The following SPIN2A variants were observed in gnomAD, a reference collection of about 807,000 sequenced individuals.
SPIN2A encodes the protein spindlin family member 2A.
A neutral mutation model predicts 9.2 loss-of-function variants in SPIN2A; 4 were observed. That is an observed-to-expected ratio of 0.44 (90% CI 0.21 to 1.00). The LOEUF (loss-of-function observed/expected upper bound fraction) is 1.00, where lower values mean the gene tolerates loss of function less well. SPIN2A is among the 50% of genes least tolerant of loss of function. The pLI is 0.26. For missense variants in SPIN2A, 77 were observed against 172.8 expected (o/e 0.45, Z 3.11); for synonymous variants, 25 against 61.2 (o/e 0.41, Z 2.76).
At chrX:57,143,995 T>A in the SPIN2A span, among the ~76,000 whole-genome samples, 1 of 112,191 alleles carries the variant, frequency 8.9e-6, no homozygotes, top group Non-Finnish European at 1.9e-5. Flanking sequence ...ATGAATTTCA[T>A]CAGCTTTTCT....
In SPIN2A at chrX:57,137,365, C is replaced by T. The variant is rs183579812; in HGVS notation, c.-111G>A. On this transcript the variant is annotated 5_prime_UTR_variant, in exon 1 of 2. Transcript: ENST00000374906. ...GAGGGTAGGATCCATAGATGAGGAGCGTGTGTAGGAGCGCGGCGAGACAGG... is the reference window on the plus strand; with the variant it reads ...GAGGGTAGGATCCATAGATGAGGAGTGTGTGTAGGAGCGCGGCGAGACAGG... The T allele has an allele frequency of 2.7e-6, 2 of 754,609 alleles. No individual in the cohort carries two copies. The highest frequency in any genetic ancestry group is 2.3e-5 in the African/African-American group (1 of 43,469). The allele number at this position is 754,609 out of a possible 1,213,427, so 62.2% of individuals were successfully genotyped here. A position where few individuals can be genotyped will look rare whatever the true frequency, so the allele number is the denominator to read the frequency against.
At chrX:57,140,455 C>T (rs1927969439), upstream of SPIN2A, among the ~76,000 whole-genome samples, 3 of 104,359 alleles carry the variant, frequency 2.9e-5, no homozygotes, top group African/African-American at 1.1e-4. Context: ...ATTAACCTGG[C>T]GTGGTGGCAG....
chrX:57,135,613 A>T (rs1927670254), downstream of SPIN2A: 3 of 870,708 alleles, frequency 3.4e-6, no homozygotes, highest in East Asian at 1.0e-4. Flanking sequence ...AACACACCCG[A>T]ACTTTTCAAC....
chrX:57,141,654 T>A (rs1165973262), upstream of SPIN2A, among the ~76,000 whole-genome samples: 1 of 111,976 alleles, frequency 8.9e-6, no homozygotes, highest in African/African-American at 3.2e-5. Flanking sequence ...TATGGTTCAA[T>A]CTTGGTAGGT....
At chrX:57,139,417 G>T (rs999178306), upstream of SPIN2A, among the ~76,000 whole-genome samples, 1 of 111,664 alleles carries the variant, frequency 9.0e-6, no homozygotes, top group African/African-American at 3.3e-5. Context: ...CTATTCATAT[G>T]CCAGTACCAT....
At chrX:57,144,371 C>G in the SPIN2A span, among the ~76,000 whole-genome samples, 1 of 108,761 alleles carries the variant, frequency 9.2e-6, no homozygotes. Context: ...GTTTGAAACA[C>G]TTTTTGTTAT....
upstream of SPIN2A, among the ~76,000 whole-genome samples, chrX:57,140,642 T>C (rs1408711108): frequency 9.4e-6 from 1 of 106,185 alleles, no homozygotes; most frequent in African/African-American, 3.4e-5. Context: ...CATGGAATAC[T>C]ACACAGCCAC....
Position 57,136,934 on chromosome X carries a change from T to C in SPIN2A, c.-6+326A>G, listed in dbSNP as rs1371429656. On this transcript the variant is annotated intron_variant, in intron 1 of 1. Transcript: ENST00000374906. ...ACTCCCAATCCCCTGCAAAGCGGCC[T>C]TGACCAGCACCCACTACCCTCCTGC... The C allele has an allele frequency of 4.8e-6, 4 of 825,812 alleles. No homozygotes were observed. In the African/African-American group the frequency reaches 8.4e-5, roughly 17 times the overall value. 68.1% of individuals were successfully genotyped at this position (825,812 alleles called of 1,213,427 possible). A position where few individuals can be genotyped will look rare whatever the true frequency, so the allele number is the denominator to read the frequency against.
the SPIN2A span, among the ~76,000 whole-genome samples, chrX:57,143,057 C>T: frequency 6.3e-5 from 7 of 111,188 alleles, no homozygotes; most frequent in Admixed American, 1.9e-4. Flanking sequence ...TTTTTTGATT[C>T]ATTCAGCCAC....
rs1428938902 is a variant in SPIN2A, at chrX:57,136,135, C to G, written c.463G>C (p.Ala155Pro). 2.5e-6 allele frequency: 3 copies of G among 1,209,659 alleles called. No homozygotes were observed. The highest frequency in any genetic ancestry group is 3.0e-5 in the East Asian group (1 of 33,769). ...TAAAACCAGGCTTTCATGATAGGTG[C>G]TTGAGCTAAGACCATCCCCCTCCAT... ...DEWRGMVLAQ[A>P]PIMKAWFYIT... Residue 155 changes from alanine to proline, a missense_variant, in exon 2 of 2, where the codon GCA becomes CCA. Ala to Pro is a conservative substitution (Grantham distance 27, BLOSUM62 -1). This residue lies in a region of SPIN2A where 17 missense variants were observed against 19.9 expected (regional missense o/e 0.85). Coordinates refer to ENST00000374906, the MANE Select transcript of SPIN2A (RefSeq NM_019003.5).
Position 57,137,274 on chromosome X carries a change from T to C in SPIN2A, c.-20A>G, listed in dbSNP as rs1243211205. ...AAATCGGATACCTCGATGCTGCCTC[T>C]GCTGTGAGCCTGTGGCGAAGGAGGG... is the stretch of plus-strand genomic sequence containing the variant. On this transcript the variant is annotated 5_prime_UTR_variant, in exon 1 of 2. Transcript: ENST00000374906. 12 of 760,016 alleles carry C rather than the reference T, an allele frequency of 1.6e-5. No individual in the cohort carries two copies. Among genetic ancestry groups the C allele is most frequent in the East Asian group, 1.5e-4 (1 of 6,712 alleles). The allele number at this position is 760,016 out of a possible 1,213,427, so 62.6% of individuals were successfully genotyped here.
the SPIN2A span, among the ~76,000 whole-genome samples, chrX:57,145,047 T>G: frequency 9.0e-6 from 1 of 111,546 alleles, no homozygotes; most frequent in South Asian, 3.7e-4. Flanking sequence ...TGCAGATATC[T>G]TTTTTGTATA....
chrX:57,145,815 G>C, the SPIN2A span, among the ~76,000 whole-genome samples: 1 of 111,423 alleles, frequency 9.0e-6, no homozygotes, highest in African/African-American at 3.3e-5. Context: ...TGAATAGGCT[G>C]TCCTTTTCCC....
Position 57,137,244 on chromosome X carries a change from T to C in SPIN2A, c.-6+16A>G. ...ACCGCCGGGGATCGCGGGCCTCACG[T>C]GCCGAAATCGGATACCTCGATGCTG... On this transcript the variant is annotated intron_variant, in intron 1 of 1. Transcript: ENST00000374906. 1.3e-6 allele frequency: 1 copy of C among 761,299 alleles called. No individual in the cohort carries two copies. Among genetic ancestry groups the C allele is most frequent in the Non-Finnish European group, 1.6e-6 (1 of 642,773 alleles). 62.7% of individuals were successfully genotyped at this position (761,299 alleles called of 1,213,427 possible). A position where few individuals can be genotyped will look rare whatever the true frequency, so the allele number is the denominator to read the frequency against.
the SPIN2A span, among the ~76,000 whole-genome samples, chrX:57,145,046 C>A: frequency 9.0e-6 from 1 of 111,116 alleles, no homozygotes; most frequent in African/African-American, 3.3e-5. Context: ...GTGCAGATAT[C>A]TTTTTTGTAT....
At chrX:57,145,097 G>A in the SPIN2A span, among the ~76,000 whole-genome samples, 2 of 111,701 alleles carry the variant, frequency 1.8e-5, no homozygotes, top group African/African-American at 6.5e-5. Flanking sequence ...TGGATCAAAT[G>A]TTAGTTCTAC....
upstream of SPIN2A, among the ~76,000 whole-genome samples, chrX:57,142,111 C>A (rs1031673920): frequency 8.1e-5 from 9 of 111,667 alleles, no homozygotes; most frequent in Non-Finnish European, 1.5e-4. Flanking sequence ...TTTATTTCTG[C>A]TCTGATTTTT....
At chrX:57,139,453 T>C (rs960110798), upstream of SPIN2A, among the ~76,000 whole-genome samples, 1 of 111,553 alleles carries the variant, frequency 9.0e-6, no homozygotes, top group African/African-American at 3.3e-5. Context: ...ACAGGTTTTT[T>C]GTTTGCTTGT....
Position 57,137,303 on chromosome X carries a change from A to G in SPIN2A, c.-49T>C, listed in dbSNP as rs1204874775. 2.1e-5 allele frequency: 16 copies of G among 758,360 alleles called. No individual in the cohort carries two copies. Among genetic ancestry groups the G allele is most frequent in the South Asian group, 2.0e-4 (3 of 15,269 alleles). 62.5% of individuals were successfully genotyped at this position (758,360 alleles called of 1,213,427 possible). On this transcript the variant is annotated 5_prime_UTR_variant, in exon 1 of 2. Coordinates refer to ENST00000374906, the MANE Select transcript of SPIN2A (RefSeq NM_019003.5). ...GTGAGCCTGTGGCGAAGGAGGGTCA[A>G]CAGGCGACTCGCTGAGTGACTGCTT...
Sources: gnomAD v4.1 joint callset for allele counts (sites outside exome capture counted in the v4.1 genomes callset) on GRCh38, gnomAD v4.1.1 for gene constraint, gnomAD v4.1.1 regional missense constraint, MANE v1.5 for transcripts, NCBI Gene and HGNC (gene_info 2026-07-23, HGNC 2026-07-21) for gene names.